The following WWOX variants were observed in gnomAD, a reference collection of about 807,000 sequenced individuals.
The protein encoded by WWOX is WW domain containing oxidoreductase.
Under a neutral mutation model 46.2 loss-of-function variants are expected in WWOX, and 69 were observed. The observed-to-expected ratio is 1.49, with a 90% CI of 1.23 to 1.82. WWOX has a LOEUF of 1.82. Ranked by LOEUF, WWOX falls within the 40% of genes most tolerant of loss-of-function variation. The probability of loss-of-function intolerance (pLI) is 0.00; values close to 1 mark genes in which losing one functional copy is unlikely to be tolerated. For missense variants in WWOX, 919 were observed against 542.6 expected, an observed-to-expected ratio of 1.69 and a Z score of -6.89; for synonymous variants, 359 against 202.6, an observed-to-expected ratio of 1.77 and a Z score of -6.56.
intron 5 of WWOX, among the ~76,000 whole-genome samples, chr16:78,225,138 T>C (rs1445912092): frequency 6.6e-6 from 1 of 152,176 alleles, no homozygotes; most frequent in Non-Finnish European, 1.5e-5. Context: ...CCTAGATGGA[T>C]AGCCTACTAC....
intron 8 of WWOX, among the ~76,000 whole-genome samples, chr16:78,632,471 G>A (rs554746859): frequency 6.6e-6 from 1 of 151,676 alleles, no homozygotes; most frequent in African/African-American, 2.4e-5. Flanking sequence ...CCAAGAAAGG[G>A]GTGGGAGAAA....
At chr16:78,401,047 T>C (rs552729554) in intron 6 of WWOX, among the ~76,000 whole-genome samples, 1 of 152,306 alleles carries the variant, frequency 6.6e-6, no homozygotes, top group East Asian at 1.9e-4. Context: ...CTCAAACTTC[T>C]GGAATCAAGT....
intron 8 of WWOX, among the ~76,000 whole-genome samples, chr16:78,907,859 C>T (rs2045006626): frequency 6.6e-6 from 1 of 152,092 alleles, no homozygotes; most frequent in African/African-American, 2.4e-5. Context: ...GAGGGAGCAG[C>T]AAGTTCCAAA....
intron 8 of WWOX, among the ~76,000 whole-genome samples, chr16:78,589,782 C>G (rs1026745314): frequency 5.7e-4 from 87 of 152,282 alleles, no homozygotes; most frequent in African/African-American, 2.0e-3. Context: ...GGTCATCTCT[C>G]TGCTGGCTTT....
intron 8 of WWOX, among the ~76,000 whole-genome samples, chr16:79,106,932 C>T (rs1190878037): frequency 6.6e-6 from 1 of 150,966 alleles, no homozygotes; most frequent in Non-Finnish European, 1.5e-5. Flanking sequence ...CTCAGCCTCT[C>T]GAGTAGCTGG....
chr16:79,138,993 G>A (rs2050036034), intron 8 of WWOX, among the ~76,000 whole-genome samples: 1 of 152,118 alleles, frequency 6.6e-6, no homozygotes. Context: ...ACTCCCTTTA[G>A]TATTGATGAC....
intron 8 of WWOX, among the ~76,000 whole-genome samples, chr16:78,977,394 G>A (rs796905416): frequency 3.9e-5 from 6 of 152,276 alleles, no homozygotes; most frequent in African/African-American, 1.2e-4. Context: ...ATAGAAGTTT[G>A]TGGGGTGGCA....
At chr16:78,989,684 G>A (rs2046845806) in intron 8 of WWOX, among the ~76,000 whole-genome samples, 1 of 152,136 alleles carries the variant, frequency 6.6e-6, no homozygotes, top group South Asian at 2.1e-4. Flanking sequence ...AGGGAGCAGA[G>A]AGCATGAGTA....
intron 8 of WWOX, among the ~76,000 whole-genome samples, chr16:78,956,721 T>C (rs2046174538): frequency 6.6e-6 from 1 of 152,194 alleles, no homozygotes; most frequent in Non-Finnish European, 1.5e-5. Context: ...TTTGTGTTTT[T>C]GAGTTTCAAA....
chr16:78,302,840 C>T (rs1436135020), intron 5 of WWOX, among the ~76,000 whole-genome samples: 1 of 152,202 alleles, frequency 6.6e-6, no homozygotes, highest in Admixed American at 6.5e-5. Context: ...CTCCCTCAGC[C>T]CCTTTCCTGG....
At chr16:78,139,419 G>A (rs183151289) in intron 4 of WWOX, among the ~76,000 whole-genome samples, 1 of 152,302 alleles carries the variant, frequency 6.6e-6, no homozygotes, top group Middle Eastern at 3.4e-3. Flanking sequence ...GCCAAGGCAG[G>A]TGAATCATGA....
At chr16:78,887,082 GTGTGTGTGTGTGT>G (rs2044477276) in intron 8 of WWOX, among the ~76,000 whole-genome samples, 58 of 12,890 alleles carry the variant, frequency 4.5e-3, no homozygotes, top group Middle Eastern at 0.12. Context: ...TGTGTGGTGT[GTGTGTGTGTGTGT>G]GTGTGTGTGT....
intron 8 of WWOX, among the ~76,000 whole-genome samples, chr16:78,594,915 A>C (rs1472265705): frequency 6.6e-6 from 1 of 152,240 alleles, no homozygotes; most frequent in Non-Finnish European, 1.5e-5. Flanking sequence ...AATTATAATT[A>C]AGAGAACCAG....
intron 8 of WWOX, among the ~76,000 whole-genome samples, chr16:78,490,042 C>A (rs554581437): frequency 6.6e-6 from 1 of 152,164 alleles, no homozygotes; most frequent in African/African-American, 2.4e-5. Context: ...ACATAATTAA[C>A]CCTCTGGGGA....
chr16:78,601,924 C>G (rs547798552), intron 8 of WWOX, among the ~76,000 whole-genome samples: 8 of 152,072 alleles, frequency 5.3e-5, no homozygotes, highest in African/African-American at 1.9e-4. Flanking sequence ...GTTTTATTAG[C>G]GAAATCATCA....
At chr16:79,137,082 C>T (rs868084122) in intron 8 of WWOX, among the ~76,000 whole-genome samples, 5 of 152,150 alleles carry the variant, frequency 3.3e-5, no homozygotes, top group African/African-American at 1.2e-4. Context: ...CAGCTAATTC[C>T]GGTTTCATTA....
intron 8 of WWOX, among the ~76,000 whole-genome samples, chr16:78,793,666 CA>C (rs1377276781): frequency 2.6e-5 from 4 of 152,062 alleles, no homozygotes; most frequent in African/African-American, 9.7e-5. Context: ...TCAGACTATT[CA>C]GCCATTATGG....
At chr16:78,939,915 C>T (rs1424398444) in intron 8 of WWOX, among the ~76,000 whole-genome samples, 2 of 152,078 alleles carry the variant, frequency 1.3e-5, no homozygotes, top group Non-Finnish European at 2.9e-5. Context: ...AGTTGAAGGC[C>T]CAAGTTTACC....
chr16:78,651,718 G>A (rs1297874896), intron 8 of WWOX, among the ~76,000 whole-genome samples: 5 of 152,196 alleles, frequency 3.3e-5, no homozygotes, highest in Non-Finnish European at 7.3e-5. Flanking sequence ...CTGAGGAGTA[G>A]GAGGGCAGCA....
Sources: gnomAD v4.1 joint callset for allele counts (sites outside exome capture counted in the v4.1 genomes callset) on GRCh38, gnomAD v4.1.1 for gene constraint, MANE v1.5 for transcripts, NCBI Gene and HGNC (gene_info 2026-07-23, HGNC 2026-07-21) for gene names.